Variants in GBP2 observed in about 807,000 individuals in gnomAD.
GBP2 encodes the protein guanylate-binding protein 2.
A neutral mutation model predicts 60.8 loss-of-function variants in GBP2; 54 were observed. The ratio of observed to expected loss-of-function variants is 0.89; its 90% confidence interval spans 0.71 to 1.11. GBP2 has a LOEUF of 1.11. Among genes scored for constraint, GBP2 ranks in the 50% most tolerant of loss-of-function variants. The probability of loss-of-function intolerance (pLI) is 0.00; values close to 1 mark genes in which losing one functional copy is unlikely to be tolerated. For missense variants in GBP2, 665 were observed against 703.3 expected, an observed-to-expected ratio of 0.95 and a Z score of 0.62; for synonymous variants, 243 against 256.5, an observed-to-expected ratio of 0.95 and a Z score of 0.50.
intron 1 of GBP2, among the ~76,000 whole-genome samples, chr1:89,122,751 A>G (rs1681427501): frequency 6.6e-6 from 1 of 152,212 alleles, no homozygotes; most frequent in African/African-American, 2.4e-5. Flanking sequence ...AGACAGTTTG[A>G]AGACTATGCA....
Position 89,110,152 on chromosome 1 carries a change from A to G in GBP2, c.1465+12T>C, listed in dbSNP as rs1299588357. 5 of 1,591,712 alleles carry G rather than the reference A, an allele frequency of 3.1e-6. No individual in the cohort carries two copies. The African/African-American group carries it at 4.0e-5, about 13-fold the overall frequency. On this transcript the variant is annotated intron_variant, in intron 9 of 10. Coordinates refer to ENST00000370466, the MANE Select transcript of GBP2 (RefSeq NM_004120.5). Reference sequence around the variant, plus strand: ...CTTTCCGACCATGTAGAGTGTTTTCAGCTGTTCTCACCTTCAATCGCTTTT... The same window carrying G: ...CTTTCCGACCATGTAGAGTGTTTTCGGCTGTTCTCACCTTCAATCGCTTTT...
At chr1:89,113,191 T>C (rs927545188) in intron 7 of GBP2, 8 of 157,376 alleles carry the variant, frequency 5.1e-5, no homozygotes, top group African/African-American at 1.9e-4. Context: ...TTAGAAGTGC[T>C]CAGTAAGGAG....
intron 6 of GBP2, among the ~76,000 whole-genome samples, 157 bp from the exon 7 acceptor site, chr1:89,114,453 T>C (rs779477994): frequency 2.6e-5 from 4 of 152,214 alleles, no homozygotes; most frequent in African/African-American, 7.2e-5. Context: ...ACAGAGGAAA[T>C]TGAAGTGGCT....
chr1:89,123,773 T>C (rs938353630), intron 1 of GBP2, among the ~76,000 whole-genome samples: 10 of 152,222 alleles, frequency 6.6e-5, no homozygotes, highest in Admixed American at 2.0e-4. Flanking sequence ...GTATGCGAAA[T>C]ATCAGAGTTC....
intron 10 of GBP2, among the ~76,000 whole-genome samples, chr1:89,109,096 T>C (rs1257641811): frequency 6.6e-6 from 1 of 152,020 alleles, no homozygotes; most frequent in African/African-American, 2.4e-5. Flanking sequence ...GGTTTCTCCA[T>C]GTTGGTCAGG....
In GBP2 at chr1:89,110,237, CTCCAAATATTTTTT is replaced by C. The variant is rs1281813459; in HGVS notation, c.1378_1391del (p.Lys460ValfsTer7). On this transcript the variant is annotated frameshift_variant, in exon 9 of 11. Coordinates refer to ENST00000370466, the MANE Select transcript of GBP2 (RefSeq NM_004120.5). LOFTEE classifies it high-confidence loss of function. ...GTGCATCAGCCACATCCTCCTTGGA[CTCCAAATATTTTTT>C]CAGCACCTCTTTGGCCTGGTTATAC... 1.2e-6 allele frequency: 2 copies of C among 1,613,676 alleles called. No individual in the cohort carries two copies. The highest frequency in any genetic ancestry group is 2.7e-5 in the African/African-American group (2 of 74,880).
intron 10 of GBP2, 46 bp downstream of exon 10, chr1:89,109,631 G>A (rs905246879): frequency 9.6e-6 from 15 of 1,556,116 alleles, no homozygotes; most frequent in African/African-American, 1.4e-5. Context: ...CTTCATTTTC[G>A]ATATGGGGCA....
At chr1:89,109,919 T>TG in intron 9 of GBP2, 49 bp from the exon 10 acceptor site, 1 of 1,506,794 alleles carries the variant, frequency 6.6e-7, no homozygotes, top group Non-Finnish European at 9.0e-7. Flanking sequence ...CAATTGTAGG[T>TG]GTTCCCTTTT....
chr1:89,112,821 A>G, intron 7 of GBP2, 137 bp from the exon 8 acceptor site: 2 of 636,420 alleles, frequency 3.1e-6, no homozygotes, highest in Non-Finnish European at 5.6e-6. Context: ...TTGCTGTTAG[A>G]TCCTAGAATA....
At position 89,121,986 on chromosome 1, in the gene GBP2, T is replaced by C. The variant is rs1681410856; in HGVS notation, c.-17-3A>G. 1.9e-6 allele frequency: 3 copies of C among 1,583,226 alleles called. No individual in the cohort carries two copies. Among genetic ancestry groups the C allele is most frequent in the Non-Finnish European group, 2.6e-6 (3 of 1,162,872 alleles). On this transcript the variant is annotated splice_polypyrimidine_tract_variant and splice_region_variant and intron_variant, in intron 1 of 10. Transcript: ENST00000370466. Reference sequence around the variant, plus strand: ...AGCCATGTCCAGGGTGTTGTTCCCTTGTGTGCAAGGAAAAAGATGAAATGG... The same window carrying C: ...AGCCATGTCCAGGGTGTTGTTCCCTCGTGTGCAAGGAAAAAGATGAAATGG...
Position 89,110,499 on chromosome 1 carries a change from AC to A in GBP2, c.1363-234del, listed in dbSNP as rs984731415. Among the ~76,000 whole-genome samples, 6 of 152,188 alleles carry A rather than the reference AC, an allele frequency of 3.9e-5. No homozygotes were observed. In the East Asian group the frequency reaches 5.8e-4, roughly 15 times the overall value. ...TTCATATATATGTAAAACATATAAT[AC>A]CCCCCCACACACACCATGGAATACT... On this transcript the variant is annotated intron_variant, in intron 8 of 10. Transcript: ENST00000370466.
chr1:89,110,268 TGGTTATACAGA>T lies in GBP2; in HGVS notation c.1363-13_1363-3del, dbSNP rs1681136976. The T allele has an allele frequency of 6.2e-7, 1 of 1,609,020 alleles. No homozygotes were observed. The highest frequency in any genetic ancestry group is 1.1e-5 in the South Asian group (1 of 90,932). On this transcript the variant is annotated splice_region_variant and splice_polypyrimidine_tract_variant and intron_variant, in intron 8 of 10. Transcript: ENST00000370466. ...ATATTTTTTCAGCACCTCTTTGGCC[TGGTTATACAGA>T]GAAAGGTAGAATGAAGAAAGAGTGA...
At chr1:89,117,466 C>T in intron 5 of GBP2, 111 bp downstream of exon 5, 1 of 1,062,214 alleles carries the variant, frequency 9.4e-7, no homozygotes, top group Non-Finnish European at 1.4e-6. Context: ...TCTAGCAGAA[C>T]AGTCAGAAAA....
Position 89,108,330 on chromosome 1 carries a change from C to A in GBP2, c.1660-39G>T, listed in dbSNP as rs201022694. The A allele has an allele frequency of 5.4e-6, 7 of 1,295,672 alleles. No individual in the cohort carries two copies. In the South Asian group the frequency reaches 8.5e-5, roughly 16 times the overall value. The allele number at this position is 1,295,672 out of a possible 1,614,324, so 80.3% of individuals were successfully genotyped here. A position where few individuals can be genotyped will look rare whatever the true frequency, so the allele number is the denominator to read the frequency against. On this transcript the variant is annotated intron_variant, in intron 10 of 10. Coordinates refer to ENST00000370466, the MANE Select transcript of GBP2 (RefSeq NM_004120.5). ...TGGAGACTAAGCCTATCCAGCTTAA[C>A]ACATTTCCACCAGATTAGTTCCCCT...
chr1:89,115,285 C>T (rs1479561199), intron 6 of GBP2, among the ~76,000 whole-genome samples: 1 of 152,212 alleles, frequency 6.6e-6, no homozygotes, highest in African/African-American at 2.4e-5. Flanking sequence ...ACCATTTTCA[C>T]TGTCATAATC....
At chr1:89,125,594 T>C (rs1453853877) in intron 1 of GBP2, among the ~76,000 whole-genome samples, 1 of 152,210 alleles carries the variant, frequency 6.6e-6, no homozygotes, top group African/African-American at 2.4e-5. Flanking sequence ...CTAACTTTAT[T>C]AAGCAGATAC....
At chr1:89,118,115 A>T (rs1008463282) in intron 4 of GBP2, 24 of 169,414 alleles carry the variant, frequency 1.4e-4, no homozygotes, top group Non-Finnish European at 2.5e-5. Context: ...ACTAGCTCCT[A>T]ATGTATTTTT....
Position 89,107,627 on chromosome 1 carries a change from G to A in GBP2, c.*548C>T, listed in dbSNP as rs1273063608. 6.6e-6 allele frequency among the ~76,000 whole-genome samples: 1 copy of A among 152,164 alleles called. No individual in the cohort carries two copies. The highest frequency in any genetic ancestry group is 2.4e-5 in the African/African-American group (1 of 41,440). On this transcript the variant is annotated 3_prime_UTR_variant, in exon 11 of 11. Transcript: ENST00000370466. ...CTGTACTTTAAAAGCCTAGTTAAGT[G>A]TCCCAGATCTCCTTTATTTGCAGCC...
chr1:89,121,679 ACATT>A, intron 2 of GBP2, 94 bp downstream of exon 2: 1 of 1,305,272 alleles, frequency 7.7e-7, no homozygotes, highest in South Asian at 1.4e-5. Flanking sequence ...TTAGCTTTCA[ACATT>A]CATTCTCATC....
Sources: gnomAD v4.1 joint callset for allele counts (sites outside exome capture counted in the v4.1 genomes callset) on GRCh38, gnomAD v4.1.1 for gene constraint, MANE v1.5 for transcripts, NCBI Gene and HGNC (gene_info 2026-07-23, HGNC 2026-07-21) for gene names.